The following PDGFC variants were observed in gnomAD, a reference collection of about 807,000 sequenced individuals.
PDGFC encodes platelet derived growth factor C, also known as platelet-derived growth factor C.
Under a neutral mutation model 35.5 loss-of-function variants are expected in PDGFC, and 12 were observed. The observed-to-expected ratio is 0.34, with a 90% CI of 0.22 to 0.55. PDGFC has a LOEUF of 0.55. PDGFC is among the 20% of genes least tolerant of loss of function. The pLI, the probability that PDGFC is intolerant of heterozygous loss-of-function variation, is 0.91. For synonymous variants in PDGFC, 159 were observed against 148.8 expected, an observed-to-expected ratio of 1.07 and a Z score of -0.50; for missense variants, 322 against 412.4, an observed-to-expected ratio of 0.78 and a Z score of 1.90.
chr4:156,895,846 CA>C (rs1447434688), intron 1 of PDGFC, among the ~76,000 whole-genome samples: 1 of 151,968 alleles, frequency 6.6e-6, no homozygotes, highest in African/African-American at 2.4e-5. Context: ...AATGCCAAAA[CA>C]GGAAAGTTAC....
In PDGFC at chr4:156,771,212, C is replaced by T. The variant is rs55685160; in HGVS notation, c.703+1474G>A. Among the ~76,000 whole-genome samples, 1,239 of 152,232 alleles carry T rather than the reference C, an allele frequency of 8.1e-3. 12 individuals carry two copies. The highest frequency in any genetic ancestry group is 0.028 in the African/African-American group (1,164 of 41,540). On this transcript the variant is annotated intron_variant, in intron 4 of 5. Transcript: ENST00000502773. ...TCTGGCCAAATCTTTGAGCACCAGGCGTACATTTTCAGGCATAAAGCCTTG... is the reference window on the plus strand; with the variant it reads ...TCTGGCCAAATCTTTGAGCACCAGGTGTACATTTTCAGGCATAAAGCCTTG...
At chr4:156,951,731 G>C (rs915979309) in intron 1 of PDGFC, among the ~76,000 whole-genome samples, 3 of 110,746 alleles carry the variant, frequency 2.7e-5, no homozygotes, top group Non-Finnish European at 4.0e-5. Flanking sequence ...CTACCTTATA[G>C]AAAAAAAAAA....
chr4:156,812,900 C>T (rs578191349), intron 2 of PDGFC, among the ~76,000 whole-genome samples: 2 of 152,118 alleles, frequency 1.3e-5, no homozygotes, highest in East Asian at 3.9e-4. Flanking sequence ...TTAACATAAC[C>T]TTGGAAGCTT....
intron 5 of PDGFC, among the ~76,000 whole-genome samples, chr4:156,764,961 T>C (rs1017791461): frequency 6.6e-6 from 1 of 152,122 alleles, no homozygotes; most frequent in Non-Finnish European, 1.5e-5. Context: ...CTATGTAAGG[T>C]AAAGATTAGA....
At chr4:156,774,650 T>A (rs1197276631) in intron 3 of PDGFC, among the ~76,000 whole-genome samples, 1 of 141,988 alleles carries the variant, frequency 7.0e-6, no homozygotes, top group African/African-American at 2.8e-5. Flanking sequence ...AATGATTTCA[T>A]CCTTTTTTTT....
chr4:156,966,114 T>C (rs1479168358), intron 1 of PDGFC, among the ~76,000 whole-genome samples: 1 of 152,168 alleles, frequency 6.6e-6, no homozygotes, highest in Non-Finnish European at 1.5e-5. Flanking sequence ...TAAATGATTA[T>C]CAAATATTAG....
At chr4:156,795,620 T>A (rs1318900384) in intron 3 of PDGFC, among the ~76,000 whole-genome samples, 1 of 152,212 alleles carries the variant, frequency 6.6e-6, no homozygotes, top group Non-Finnish European at 1.5e-5. Flanking sequence ...CCCAAATATG[T>A]TCATGAGCAG....
In PDGFC at chr4:156,894,911, A is replaced by T. The variant is rs577473350; in HGVS notation, c.119-44495T>A. Among the ~76,000 whole-genome samples, 76 of 152,276 alleles carry T rather than the reference A, an allele frequency of 5.0e-4. 2 individuals are homozygous for T. The South Asian group carries it at 0.016, about 32-fold the overall frequency. ...ATCTCTAGTTATTATGACCCTCAGGATTTTCACAGCCCCTGGAAATGTATT... is the reference window on the plus strand; with the variant it reads ...ATCTCTAGTTATTATGACCCTCAGGTTTTTCACAGCCCCTGGAAATGTATT... On this transcript the variant is annotated intron_variant, in intron 1 of 5. Coordinates refer to ENST00000502773, the MANE Select transcript of PDGFC (RefSeq NM_016205.3).
intron 2 of PDGFC, among the ~76,000 whole-genome samples, chr4:156,820,083 TTGAA>T (rs1553967245): frequency 1.3e-5 from 2 of 152,172 alleles, no homozygotes; most frequent in Non-Finnish European, 1.5e-5. Context: ...ATGATAAACA[TTGAA>T]TGAATGAGGA....
intron 1 of PDGFC, among the ~76,000 whole-genome samples, chr4:156,941,224 G>C (rs934288268): frequency 3.9e-5 from 6 of 152,202 alleles, no homozygotes; most frequent in Middle Eastern, 3.4e-3. Flanking sequence ...AGATCTGTGA[G>C]GTAAGTGAAA....
chr4:156,875,069 C>T (rs963733838), intron 1 of PDGFC, among the ~76,000 whole-genome samples: 1 of 152,020 alleles, frequency 6.6e-6, no homozygotes, highest in Non-Finnish European at 1.5e-5. Context: ...CTATTCACAA[C>T]CTCCTATGTG....
At chr4:156,781,451 G>A (rs923153661) in intron 3 of PDGFC, among the ~76,000 whole-genome samples, 2 of 152,090 alleles carry the variant, frequency 1.3e-5, no homozygotes, top group African/African-American at 4.8e-5. Flanking sequence ...AAAATATCCT[G>A]CTTTTAAATT....
intron 2 of PDGFC, among the ~76,000 whole-genome samples, chr4:156,825,303 C>T (rs1373431602): frequency 6.6e-6 from 1 of 150,932 alleles, no homozygotes; most frequent in African/African-American, 2.4e-5. Flanking sequence ...AATCCCAGTA[C>T]TTTGGGAAGC....
chr4:156,847,700 A>C (rs1416770630), intron 2 of PDGFC, among the ~76,000 whole-genome samples: 1 of 151,980 alleles, frequency 6.6e-6, no homozygotes, highest in African/African-American at 2.4e-5. Flanking sequence ...CTGGGTTAAA[A>C]GTATACAAAA....
chr4:156,922,959 A>T (rs947781163), intron 1 of PDGFC, among the ~76,000 whole-genome samples: 3 of 152,224 alleles, frequency 2.0e-5, no homozygotes, highest in African/African-American at 4.8e-5. Context: ...TAAATTACTT[A>T]ATAACTTCCA....
chr4:156,769,808 T>C (rs987685), intron 4 of PDGFC, among the ~76,000 whole-genome samples: 17,286 of 152,062 alleles, frequency 0.11, 1,313 homozygotes, highest in African/African-American at 0.2. Context: ...CTTTAATTGT[T>C]AAAACTATAT....
chr4:156,819,299 A>T (rs937197484), intron 2 of PDGFC, among the ~76,000 whole-genome samples: 1 of 152,084 alleles, frequency 6.6e-6, no homozygotes, highest in Admixed American at 6.5e-5. Context: ...TATTGGAAGA[A>T]GATGACATCT....
rs62331504 is a variant in PDGFC at position 156,897,350 on chromosome 4, A to G, written c.119-46934T>C. On this transcript the variant is annotated intron_variant, in intron 1 of 5. Coordinates refer to ENST00000502773, the MANE Select transcript of PDGFC (RefSeq NM_016205.3). ...AATATGAGAGAGTGTGTGAGAGTGT[A>G]TGTGTGTGTGTGTGTGTGTGTGTGT... Among the ~76,000 whole-genome samples the G allele has an allele frequency of 2.4e-3, 342 of 143,084 alleles. 1 individual carries two copies. The highest frequency in any genetic ancestry group is 7.0e-3 in the East Asian group (34 of 4,860). The allele number at this position is 143,084 out of a possible 152,430, so 93.9% of individuals were successfully genotyped here. A position where few individuals can be genotyped will look rare whatever the true frequency, so the allele number is the denominator to read the frequency against.
intron 1 of PDGFC, among the ~76,000 whole-genome samples, chr4:156,946,930 T>C (rs540746296): frequency 3.9e-5 from 6 of 152,150 alleles, no homozygotes; most frequent in African/African-American, 1.4e-4. Context: ...TTTTTAATGT[T>C]ACTTCAGGGA....
Sources: gnomAD v4.1 joint callset for allele counts (sites outside exome capture counted in the v4.1 genomes callset) on GRCh38, gnomAD v4.1.1 for gene constraint, MANE v1.5 for transcripts, NCBI Gene and HGNC (gene_info 2026-07-23, HGNC 2026-07-21) for gene names.